Variants in TBC1D10A observed in about 807,000 individuals in gnomAD.
TBC1D10A encodes TBC1 domain family member 10A, also known as EBP50-PDX interactor of 64 kDa.
Under a neutral mutation model 52.9 loss-of-function variants are expected in TBC1D10A, and 24 were observed. The observed-to-expected ratio is 0.45, with a 90% CI of 0.33 to 0.64. The LOEUF is 0.64. Among genes scored for constraint, TBC1D10A ranks in the 30% least tolerant of loss-of-function variants. TBC1D10A has a pLI of 0.02. For missense variants in TBC1D10A, 602 were observed against 687.9 expected, an observed-to-expected ratio of 0.88 and a Z score of 1.40; for synonymous variants, 278 against 282.9, an observed-to-expected ratio of 0.98 and a Z score of 0.17.
intron 1 of TBC1D10A, among the ~76,000 whole-genome samples, chr22:30,313,420 G>A (rs553557129): frequency 6.6e-6 from 1 of 150,584 alleles, no homozygotes; most frequent in South Asian, 2.1e-4. Flanking sequence ...GTCTTGCTCT[G>A]TCGCCCAGGC....
intron 1 of TBC1D10A, among the ~76,000 whole-genome samples, chr22:30,312,808 C>G (rs563967847): frequency 6.6e-6 from 1 of 152,316 alleles, no homozygotes; most frequent in Admixed American, 6.5e-5. Flanking sequence ...AGAACACAAT[C>G]AGGCCCTCAT....
chr22:30,298,041 G>C (rs1257615981), intron 3 of TBC1D10A: 1 of 152,208 alleles, frequency 6.6e-6, no homozygotes, highest in Non-Finnish European at 1.5e-5. Context: ...CCCCCTGGGG[G>C]GTGGCTGATT....
intron 1 of TBC1D10A, chr22:30,318,820 T>C: frequency 2.4e-6 from 1 of 422,322 alleles, no homozygotes; most frequent in South Asian, 1.7e-5. Flanking sequence ...CTCCTCTTTA[T>C]GCCGTCTTCC....
Position 30,292,718 on chromosome 22 carries a change from T to C in TBC1D10A, c.1184A>G (p.Asp395Gly). The change falls in exon 9 of 9, where the codon GAT becomes GGT. Residue 395 changes from aspartate (D) to glycine (G), a missense_variant. This residue lies in a region of TBC1D10A where 265 missense variants were observed against 275.1 expected (regional missense o/e 0.96). Transcript: ENST00000215790. ...GGCAGGCCGGGGACCAGGTTCTGCA[T>C]CCAAGATAGCCTTGGCACCATGCAG... ...PRLHGAKAIL[D>G]AEPGPRPALQ... 1 of 1,609,962 alleles carries C rather than the reference T, an allele frequency of 6.2e-7. No homozygotes were observed. Among genetic ancestry groups the C allele is most frequent in the African/African-American group, 1.3e-5 (1 of 74,930 alleles).
intron 1 of TBC1D10A, chr22:30,318,736 C>T (rs1930589431): frequency 2.1e-6 from 1 of 470,586 alleles, no homozygotes. Flanking sequence ...TGCTCCAGAC[C>T]TCTTCCAGGT....
intron 1 of TBC1D10A, among the ~76,000 whole-genome samples, chr22:30,311,014 G>A (rs1930414446): frequency 6.6e-6 from 1 of 152,204 alleles, no homozygotes; most frequent in Non-Finnish European, 1.5e-5. Context: ...AAGTGGATGT[G>A]CAGGGGGAGC....
rs34874729 is a variant in TBC1D10A at position 30,322,593 on chromosome 22, C to CT, written c.209+4079dup. 6.3e-3 allele frequency among the ~76,000 whole-genome samples: 156 copies of CT among 24,908 alleles called. 11 individuals carry two copies. The highest frequency in any genetic ancestry group is 6.8e-3 in the Non-Finnish European group (109 of 15,946). The allele number at this position is 24,908 out of a possible 152,430, so 16.3% of individuals were successfully genotyped here. The stretch of plus-strand genomic sequence containing the variant: ...TGGCCATCTCTAAGGTCACTTTCAG[C>CT]TTTTTTTTTTTTTTTTTTTTTTTTT... On this transcript the variant is annotated intron_variant, in intron 1 of 8. Coordinates refer to ENST00000215790, the MANE Select transcript of TBC1D10A (RefSeq NM_031937.3).
chr22:30,309,470 C>T (rs1013091349), intron 1 of TBC1D10A, among the ~76,000 whole-genome samples: 2 of 152,160 alleles, frequency 1.3e-5, no homozygotes, highest in African/African-American at 4.8e-5. Flanking sequence ...GTGATCCACC[C>T]GCCTCAGCCT....
At chr22:30,306,548 A>G (rs550942825) in intron 1 of TBC1D10A, among the ~76,000 whole-genome samples, 8 of 152,330 alleles carry the variant, frequency 5.3e-5, no homozygotes, top group South Asian at 4.1e-4. Flanking sequence ...ACAAACTACC[A>G]TATTTCCTGG....
intron 1 of TBC1D10A, among the ~76,000 whole-genome samples, chr22:30,312,164 T>C (rs1173377697): frequency 1.3e-5 from 2 of 152,184 alleles, no homozygotes; most frequent in African/African-American, 4.8e-5. Context: ...CTGCTTGAAA[T>C]TCCCTTGCTG....
intron 1 of TBC1D10A, among the ~76,000 whole-genome samples, chr22:30,319,143 C>T (rs1339574963): frequency 6.6e-6 from 1 of 152,208 alleles, no homozygotes; most frequent in Non-Finnish European, 1.5e-5. Context: ...GGCCCCCTCT[C>T]ATCCAATGGA....
intron 1 of TBC1D10A, chr22:30,318,685 T>G: frequency 2.1e-6 from 1 of 471,200 alleles, no homozygotes; most frequent in Non-Finnish European, 4.4e-6. Context: ...ATGGCAGTCA[T>G]GAACCAAGCA....
chr22:30,296,707 C>G (rs1930087957), intron 3 of TBC1D10A: 1 of 152,212 alleles, frequency 6.6e-6, no homozygotes, highest in South Asian at 2.1e-4. Flanking sequence ...CCTTGATCTG[C>G]ATGTTGGTTA....
intron 1 of TBC1D10A, among the ~76,000 whole-genome samples, chr22:30,307,520 G>A (rs1009123776): frequency 2.0e-5 from 3 of 152,234 alleles, no homozygotes; most frequent in East Asian, 1.9e-4. Flanking sequence ...CCGCTTTTGA[G>A]GCCATACAAT....
In TBC1D10A at chr22:30,320,086, G is replaced by A. The variant is rs373958968; in HGVS notation, c.209+6587C>T. Among the ~76,000 whole-genome samples the A allele has an allele frequency of 2.6e-4, 39 of 152,210 alleles. No homozygotes were observed. In the South Asian group the frequency reaches 5.6e-3, roughly 22 times the overall value. On this transcript the variant is annotated intron_variant, in intron 1 of 8. Coordinates refer to ENST00000215790, the MANE Select transcript of TBC1D10A (RefSeq NM_031937.3). ...TTCTCCAACCTTCAGATTCCTCACC[G>A]GTACAAGCAACATAATCCCTGCCTC...
At chr22:30,295,864 T>A (rs781597443) in intron 3 of TBC1D10A, 21 bp from the exon 4 acceptor site, 1 of 1,604,392 alleles carries the variant, frequency 6.2e-7, no homozygotes, top group African/African-American at 1.3e-5. Flanking sequence ...GGGCACAAAT[T>A]AGGGGCTGGG....
At chr22:30,307,269 G>C (rs550102264) in intron 1 of TBC1D10A, among the ~76,000 whole-genome samples, 1 of 152,254 alleles carries the variant, frequency 6.6e-6, no homozygotes, top group East Asian at 1.9e-4. Context: ...CAAATCTGGC[G>C]GCCTCACTCA....
chr22:30,315,826 G>C (rs1440740153), intron 1 of TBC1D10A, among the ~76,000 whole-genome samples: 2 of 152,146 alleles, frequency 1.3e-5, no homozygotes, highest in Non-Finnish European at 2.9e-5. Flanking sequence ...TGACAACTTA[G>C]CAACAAAAAC....
intron 5 of TBC1D10A, 31 bp from the exon 6 acceptor site, chr22:30,294,892 G>A (rs372128933): frequency 5.0e-6 from 8 of 1,614,050 alleles, no homozygotes; most frequent in East Asian, 4.5e-5. Context: ...AGGCCTTGCC[G>A]TTGGGGGTTC....
Sources: allele counts gnomAD v4.1 joint callset (sites outside exome capture counted in the v4.1 genomes callset), GRCh38; gene constraint gnomAD v4.1.1; regional missense constraint gnomAD v4.1.1; transcripts MANE v1.5; gene names NCBI Gene and HGNC (gene_info 2026-07-23, HGNC 2026-07-21).